SLC38A10: variants seen among roughly 807,000 people sequenced by gnomAD.
SLC38A10 encodes the protein solute carrier family 38 member 10.
A neutral mutation model predicts 81.0 loss-of-function variants in SLC38A10; 53 were observed. That is an observed-to-expected ratio of 0.65 (90% CI 0.53 to 0.82). SLC38A10 has a LOEUF of 0.82. SLC38A10 is among the 40% of genes least tolerant of loss of function. The probability of loss-of-function intolerance (pLI) is 0.00; values close to 1 mark genes in which losing one functional copy is unlikely to be tolerated. For synonymous variants in SLC38A10, 665 were observed against 655.3 expected (o/e 1.01, Z -0.23); for missense variants, 1,471 against 1,545.0 (o/e 0.95, Z 0.80).
Position 81,271,005 on chromosome 17 carries a change from G to A in SLC38A10, c.1044C>T (p.Leu348=). The A allele has an allele frequency of 1.2e-6, 2 of 1,612,790 alleles. No homozygotes were observed. The highest frequency in any genetic ancestry group is 1.7e-6 in the Non-Finnish European group (2 of 1,179,950). The change falls in exon 10 of 16, where the codon CTC becomes CTT. Residue 348 remains leucine, a synonymous_variant. Transcript: ENST00000374759. ...TGAGGCTTCCCATGGTCGCTCCTGTGAGGCCCAGGATGGTCTCCACTAGGA... is the reference window on the plus strand; with the variant it reads ...TGAGGCTTCCCATGGTCGCTCCTGTAAGGCCCAGGATGGTCTCCACTAGGA... The part of the protein sequence containing the change: ...LIPNVETILG[L]TGATMGSLIC...
chr17:81,251,667 G>A lies in SLC38A10; in HGVS notation c.1946-55C>T, dbSNP rs146693715. The A allele has an allele frequency of 4.7e-4, 675 of 1,449,730 alleles. 7 individuals are homozygous for A. The African/African-American group carries it at 8.6e-3, about 18-fold the overall frequency. The allele number at this position is 1,449,730 out of a possible 1,614,324, so 89.8% of individuals were successfully genotyped here. On this transcript the variant is annotated intron_variant, in intron 13 of 15. Transcript: ENST00000374759. Reference sequence around the variant, plus strand: ...TTGCAGGAAAGTCAAGGGAGGGTTTGGGGGGTTGGGGGACAGAAGGCAAGG... The same window carrying A: ...TTGCAGGAAAGTCAAGGGAGGGTTTAGGGGGTTGGGGGACAGAAGGCAAGG...
chr17:81,248,179 G>A (rs780896478), intron 14 of SLC38A10, among the ~76,000 whole-genome samples: 45 of 152,190 alleles, frequency 3.0e-4, no homozygotes, highest in Non-Finnish European at 5.4e-4. Flanking sequence ...GGATGGTCTT[G>A]ATCTCCTGAC....
At chr17:81,287,219 C>T (rs2063274980) in intron 2 of SLC38A10, among the ~76,000 whole-genome samples, 1 of 152,254 alleles carries the variant, frequency 6.6e-6, no homozygotes, top group African/African-American at 2.4e-5. Context: ...CAGCGGCCAC[C>T]TCCCCAGGCT....
chr17:81,279,426 GCT>G (rs2063189281), intron 6 of SLC38A10, among the ~76,000 whole-genome samples: 1 of 152,216 alleles, frequency 6.6e-6, no homozygotes, highest in Non-Finnish European at 1.5e-5. Context: ...AGATGTCTCT[GCT>G]CTCAGAAAAC....
chr17:81,270,935 T>G lies in SLC38A10; in HGVS notation c.1114A>C (p.Asn372His), dbSNP rs1459296254. ...PALIYKKIHK[N>H]ALSSQVVLWV... The stretch of plus-strand genomic sequence containing the variant: ...GCACGCACCTGGGAGGAAAGTGCGT[T>G]CTTGTGGATTTTCTTGTAGATCAGC... Residue 372 changes from asparagine (N) to histidine (H), a missense_variant, in exon 10 of 16, where the codon AAC becomes CAC. Transcript: ENST00000374759. This position sits in a 1 kb window ranked among gnomAD's most constrained non-coding sequence, Gnocchi z 4.0. 2.5e-6 allele frequency: 4 copies of G among 1,613,904 alleles called. No homozygotes were observed. In the African/African-American group the frequency reaches 4.0e-5, roughly 16 times the overall value.
chr17:81,292,440 T>C (rs546300440), intron 1 of SLC38A10, among the ~76,000 whole-genome samples: 1 of 151,404 alleles, frequency 6.6e-6, no homozygotes, highest in African/African-American at 2.4e-5. Flanking sequence ...TATATATAAA[T>C]ATATCAAAAC....
chr17:81,264,914 G>A (rs1197985010), intron 10 of SLC38A10: 1 of 152,204 alleles, frequency 6.6e-6, no homozygotes, highest in East Asian at 1.9e-4. Flanking sequence ...GCTGCCCTCT[G>A]GGCGCACCCG....
At chr17:81,267,936 C>T (rs1262793517) in intron 10 of SLC38A10, among the ~76,000 whole-genome samples, 4 of 151,624 alleles carry the variant, frequency 2.6e-5, no homozygotes, top group Non-Finnish European at 4.4e-5. Context: ...ACTCACAGGG[C>T]TGGGCACCGA....
At position 81,256,382 on chromosome 17, in the gene SLC38A10, C is replaced by T. The variant is rs927148065; in HGVS notation, c.1289-3142G>A. On this transcript the variant is annotated intron_variant, in intron 11 of 15. Coordinates refer to ENST00000374759, the MANE Select transcript of SLC38A10 (RefSeq NM_001037984.3). ...GTCCACCCCAGACCGGAGGCCAGCA[C>T]GGACGGGCGGGGAGGCCAGCGACGC... 2.0e-5 allele frequency among the ~76,000 whole-genome samples: 3 copies of T among 152,210 alleles called. No homozygotes were observed. The East Asian group carries it at 5.8e-4, about 29-fold the overall frequency.
In SLC38A10 at chr17:81,247,085, A is replaced by G. The variant is rs199844765; in HGVS notation, c.2066-24T>C. On this transcript the variant is annotated intron_variant, in intron 14 of 15. Transcript: ENST00000374759. ...TTCTGGGTTTGGAAAGCACACAGTC[A>G]GAGTGCCCGGGCTGCTCATGCACCG... 24 of 1,562,276 alleles carry G rather than the reference A, an allele frequency of 1.5e-5. No individual in the cohort carries two copies. The Admixed American group carries it at 3.8e-4, about 25-fold the overall frequency.
At chr17:81,285,992 C>T (rs557236303) in intron 2 of SLC38A10, among the ~76,000 whole-genome samples, 13 of 152,248 alleles carry the variant, frequency 8.5e-5, no homozygotes, top group African/African-American at 3.1e-4. Flanking sequence ...AGCCTGGCAC[C>T]CCTTGAGTTC....
rs1221966128 is a variant in SLC38A10, at chr17:81,281,430, G to C, written c.502-697C>G. 6.6e-6 allele frequency among the ~76,000 whole-genome samples: 1 copy of C among 152,170 alleles called. No homozygotes were observed. Among genetic ancestry groups the C allele is most frequent in the African/African-American group, 2.4e-5 (1 of 41,454 alleles). On this transcript the variant is annotated intron_variant, in intron 5 of 15. Transcript: ENST00000374759. This position sits in a 1 kb window ranked among gnomAD's most constrained non-coding sequence, Gnocchi z 5.3. ...GCTCTGGGTGGTATCCGTGTTCTCA[G>C]TGCCAACTCCACAGCTGGCCCCTAG... is the stretch of plus-strand genomic sequence containing the variant.
At position 81,265,484 on chromosome 17, in the gene SLC38A10, G is replaced by A. The variant is rs1045532236; in HGVS notation, c.1132-5090C>T. 2.0e-5 allele frequency: 3 copies of A among 152,240 alleles called. No homozygotes were observed. Among genetic ancestry groups the A allele is most frequent in the Non-Finnish European group, 4.4e-5 (3 of 68,048 alleles). 9.4% of individuals were successfully genotyped at this position (152,240 alleles called of 1,614,324 possible). A position where few individuals can be genotyped will look rare whatever the true frequency, so the allele number is the denominator to read the frequency against. On this transcript the variant is annotated intron_variant, in intron 10 of 15. Coordinates refer to ENST00000374759, the MANE Select transcript of SLC38A10 (RefSeq NM_001037984.3). This position sits in a 1 kb window ranked among gnomAD's most constrained non-coding sequence, Gnocchi z 4.2. Reference sequence around the variant, plus strand: ...GTCCCCTGGTTGATCTTCTGAGGACGAGCTGGAACATTCCTTCTTTTTCAC... The same window carrying A: ...GTCCCCTGGTTGATCTTCTGAGGACAAGCTGGAACATTCCTTCTTTTTCAC...
Position 81,246,543 on chromosome 17 carries a change from G to T in SLC38A10, c.2373C>A (p.Arg791=). 2 of 1,519,166 alleles carry T rather than the reference G, an allele frequency of 1.3e-6. No homozygotes were observed. The highest frequency in any genetic ancestry group is 1.8e-6 in the Non-Finnish European group (2 of 1,135,404). 94.1% of individuals were successfully genotyped at this position (1,519,166 alleles called of 1,614,324 possible). ...GGTTAAGGTCCTGGGATGGAGCAGG[G>T]CGGCCCCCAGGAGCTCTGAGGACAG... The part of the protein sequence containing the change: ...LDPVLRAPGG[R]PAPSQDLNQR... The change falls in exon 16 of 16, where the codon CGC becomes CGA. Residue 791 remains arginine, a synonymous_variant. Coordinates refer to ENST00000374759, the MANE Select transcript of SLC38A10 (RefSeq NM_001037984.3).
At chr17:81,254,736 G>A (rs1403140930) in intron 11 of SLC38A10, among the ~76,000 whole-genome samples, 13 of 152,190 alleles carry the variant, frequency 8.5e-5, no homozygotes, top group Admixed American at 5.9e-4. Flanking sequence ...GTGAGCCACC[G>A]CGCCTGGCCC....
chr17:81,248,053 G>A (rs1474316821), intron 14 of SLC38A10, among the ~76,000 whole-genome samples: 4 of 148,610 alleles, frequency 2.7e-5, no homozygotes, highest in Admixed American at 6.8e-5. Context: ...CGCCTCCCGG[G>A]TTCACGCCAT....
At chr17:81,249,688 C>G (rs1050917935) in intron 14 of SLC38A10, among the ~76,000 whole-genome samples, 1 of 151,830 alleles carries the variant, frequency 6.6e-6, no homozygotes. Flanking sequence ...GCAGAAGGCA[C>G]GAAGCCACCC....
intron 8 of SLC38A10, among the ~76,000 whole-genome samples, chr17:81,273,710 C>G (rs1179290136): frequency 6.6e-6 from 1 of 152,180 alleles, no homozygotes; most frequent in African/African-American, 2.4e-5. Context: ...TAGAACTTTA[C>G]CTATGACATA....
intron 10 of SLC38A10, chr17:81,262,827 G>A (rs769172133): frequency 8.5e-5 from 13 of 152,222 alleles, no homozygotes; most frequent in African/African-American, 2.9e-4. Flanking sequence ...TATTTTTAAC[G>A]GGGACCTCAT....
Sources: allele counts gnomAD v4.1 joint callset (sites outside exome capture counted in the v4.1 genomes callset), GRCh38; gene constraint gnomAD v4.1.1; non-coding constraint Gnocchi (gnomAD v3.1); transcripts MANE v1.5; gene names NCBI Gene and HGNC (gene_info 2026-07-23, HGNC 2026-07-21).